CSRP2: variants seen among roughly 807,000 people sequenced by gnomAD.
CSRP2 encodes the protein cysteine and glycine rich protein 2, also known as cysteine and glycine-rich protein 2.
A neutral mutation model predicts 24.6 loss-of-function variants in CSRP2; 18 were observed. The ratio of observed to expected loss-of-function variants is 0.73; its 90% confidence interval spans 0.51 to 1.09. The LOEUF (loss-of-function observed/expected upper bound fraction) is 1.09. Among genes scored for constraint, CSRP2 ranks in the 50% least tolerant of loss-of-function variants. The pLI, the probability that CSRP2 is intolerant of heterozygous loss-of-function variation, is 0.00. For missense variants in CSRP2, 215 were observed against 239.4 expected (o/e 0.90, Z 0.67); for synonymous variants, 87 against 84.3 (o/e 1.03, Z -0.18).
At chr12:76,877,240 C>T (rs12321227) in intron 1 of CSRP2, among the ~76,000 whole-genome samples, 21,533 of 152,256 alleles carry the variant, frequency 0.14, 1,736 homozygotes, top group African/African-American at 0.2. Flanking sequence ...CTCTACTCTA[C>T]ACCAACATTC....
At chr12:76,878,409 C>A (rs1301327522) in intron 1 of CSRP2, 1 of 152,414 alleles carries the variant, frequency 6.6e-6, no homozygotes, top group Non-Finnish European at 1.5e-5. Context: ...GCGGCAGGAG[C>A]AGTACCCTGG....
Position 76,858,742 on chromosome 12 carries a change from A to G in CSRP2, c.*210T>C. 1 of 415,828 alleles carries G rather than the reference A, an allele frequency of 2.4e-6. No individual in the cohort carries two copies. Among genetic ancestry groups the G allele is most frequent in the Non-Finnish European group, 4.4e-6 (1 of 227,354 alleles). 25.8% of individuals were successfully genotyped at this position (415,828 alleles called of 1,614,324 possible). On this transcript the variant is annotated 3_prime_UTR_variant, in exon 6 of 6. Transcript: ENST00000311083. The stretch of plus-strand genomic sequence containing the variant: ...AAGCTGAAGTTTTATTTAAAATGTA[A>G]AAGAAATGTTCCCCCAAAATGCTGG...
Position 76,862,403 on chromosome 12 carries a change from T to A in CSRP2, c.281+773A>T, listed in dbSNP as rs569896011. The A allele has an allele frequency of 2.7e-4, 42 of 154,078 alleles. 1 individual carries two copies. The South Asian group carries it at 7.3e-3, about 27-fold the overall frequency. The allele number at this position is 154,078 out of a possible 1,614,324, so 9.5% of individuals were successfully genotyped here. On this transcript the variant is annotated intron_variant, in intron 3 of 5. Coordinates refer to ENST00000311083, the MANE Select transcript of CSRP2 (RefSeq NM_001321.3). ...CAAAAATACAAAAATTAGCCCGGTGTGGTGGTGCACGCCTGTAATCCCAGC... is the reference window on the plus strand; with the variant it reads ...CAAAAATACAAAAATTAGCCCGGTGAGGTGGTGCACGCCTGTAATCCCAGC...
intron 2 of CSRP2, 71 bp downstream of exon 2, chr12:76,866,078 T>C: frequency 8.6e-7 from 1 of 1,166,698 alleles, no homozygotes; most frequent in Non-Finnish European, 1.2e-6. Context: ...CCACAATTTT[T>C]CCTTAAATAG....
intron 1 of CSRP2, among the ~76,000 whole-genome samples, chr12:76,868,941 A>AG (rs202082144): frequency 0.016 from 2,399 of 145,498 alleles, 35 homozygotes; most frequent in Middle Eastern, 0.032. Context: ...TCAAAAGAAA[A>AG]AAAAAAAAAA....
In CSRP2 at chr12:76,859,465, T is replaced by G. The variant is rs1359045121; in HGVS notation, c.505+82A>C. The stretch of plus-strand genomic sequence containing the variant: ...ATAGTGGCATACTTTTCTTTTTTTT[T>G]TTTTAATGCCAGTGACATTTCATTA... On this transcript the variant is annotated intron_variant, in intron 5 of 5. Transcript: ENST00000311083. The G allele has an allele frequency of 3.3e-6, 3 of 921,468 alleles. No homozygotes were observed. The East Asian group carries it at 7.9e-5, about 24-fold the overall frequency. The allele number at this position is 921,468 out of a possible 1,614,324, so 57.1% of individuals were successfully genotyped here.
intron 1 of CSRP2, among the ~76,000 whole-genome samples, chr12:76,875,919 C>T (rs10862704): frequency 0.14 from 21,837 of 152,084 alleles, 2,264 homozygotes; most frequent in East Asian, 0.52. Flanking sequence ...ACTGTGAAAC[C>T]AAAATAAAAT....
intron 3 of CSRP2, chr12:76,861,301 G>C (rs1003537231): frequency 6.6e-6 from 1 of 150,550 alleles, no homozygotes; most frequent in Non-Finnish European, 1.5e-5. Context: ...AGGATAACTT[G>C]AACTCAGGAG....
intron 4 of CSRP2, 152 bp from the exon 5 acceptor site, chr12:76,859,792 C>A: frequency 1.7e-6 from 1 of 605,606 alleles, no homozygotes; most frequent in South Asian, 2.3e-5. Flanking sequence ...AACCAGTCCT[C>A]AGTATCTGCA....
At chr12:76,859,067 C>CATT (rs1290976760) in intron 5 of CSRP2, 39 bp from the exon 6 acceptor site, 4 of 1,580,336 alleles carry the variant, frequency 2.5e-6, no homozygotes, top group African/African-American at 1.3e-5. Context: ...AGTGCAAGTC[C>CATT]ATTAAGCTTT....
In CSRP2 at chr12:76,863,173, C is replaced by T. The variant is rs370507529; in HGVS notation, c.281+3G>A. 51 of 1,609,434 alleles carry T rather than the reference C, an allele frequency of 3.2e-5. No homozygotes were observed. In the African/African-American group the frequency reaches 6.3e-4, roughly 20 times the overall value. ...GAAGGTAACCAACGGTCTCCCAACTCACCTCTCTGGTTTGATGCCCAGCCT... is the reference window on the plus strand; with the variant it reads ...GAAGGTAACCAACGGTCTCCCAACTTACCTCTCTGGTTTGATGCCCAGCCT... On this transcript the variant is annotated splice_donor_region_variant and intron_variant, in intron 3 of 5. Transcript: ENST00000311083.
At chr12:76,862,940 C>T in intron 3 of CSRP2, 1 of 1,503,712 alleles carries the variant, frequency 6.7e-7, no homozygotes, top group Non-Finnish European at 8.8e-7. Context: ...GAACACGACT[C>T]CTTGATACAG....
At chr12:76,861,887 T>A (rs555174416) in intron 3 of CSRP2, 30 of 152,198 alleles carry the variant, frequency 2.0e-4, no homozygotes, top group Non-Finnish European at 4.1e-4. Context: ...ACATGGTAAT[T>A]ATTATTTTAG....
chr12:76,871,010 G>T, intron 1 of CSRP2, among the ~76,000 whole-genome samples: 1 of 149,976 alleles, frequency 6.7e-6, no homozygotes, highest in African/African-American at 2.5e-5. Context: ...AGTGGATGGT[G>T]ATAGTTGAAT....
intron 1 of CSRP2, among the ~76,000 whole-genome samples, chr12:76,867,964 C>T (rs1953752022): frequency 6.6e-6 from 1 of 152,160 alleles, no homozygotes. Context: ...TGGAGTTGAT[C>T]ATTGCGGTGG....
intron 1 of CSRP2, among the ~76,000 whole-genome samples, chr12:76,877,418 C>G (rs957869484): frequency 6.6e-6 from 1 of 152,160 alleles, no homozygotes; most frequent in Non-Finnish European, 1.5e-5. Flanking sequence ...ATTTATGATA[C>G]GAACTTTAGA....
At chr12:76,860,145 T>C in intron 4 of CSRP2, 139 bp downstream of exon 4, 1 of 883,836 alleles carries the variant, frequency 1.1e-6, no homozygotes. Context: ...ATGATTCTGA[T>C]GGAAATGCAT....
At position 76,859,034 on chromosome 12, in the gene CSRP2, A is replaced by G; in HGVS notation, c.506-6T>C. 6.2e-7 allele frequency: 1 copy of G among 1,613,754 alleles called. No individual in the cohort carries two copies. Among genetic ancestry groups the G allele is most frequent in the South Asian group, 1.1e-5 (1 of 91,072 alleles). ...AAAGTTCTTTGCATAGCATCCTACAAAGGAAAGGGAGGAAGGATAGTTAGT... is the reference window on the plus strand; with the variant it reads ...AAAGTTCTTTGCATAGCATCCTACAGAGGAAAGGGAGGAAGGATAGTTAGT... On this transcript the variant is annotated splice_region_variant and splice_polypyrimidine_tract_variant and intron_variant, in intron 5 of 5. Transcript: ENST00000311083.
intron 3 of CSRP2, 180 bp downstream of exon 3, chr12:76,862,996 A>T: frequency 6.9e-7 from 1 of 1,446,214 alleles, no homozygotes; most frequent in African/African-American, 1.4e-5. Flanking sequence ...GGAATTATTA[A>T]TAAGAACTTT....
Sources: allele counts gnomAD v4.1 joint callset (sites outside exome capture counted in the v4.1 genomes callset), GRCh38; gene constraint gnomAD v4.1.1; transcripts MANE v1.5; gene names NCBI Gene and HGNC (gene_info 2026-07-23, HGNC 2026-07-21).